The following CADM1 variants were observed in gnomAD, a reference collection of about 807,000 sequenced individuals.
The protein encoded by CADM1 is TSLC-1.
A neutral mutation model predicts 53.1 loss-of-function variants in CADM1; 15 were observed. The observed-to-expected ratio is 0.28, with a 90% CI of 0.19 to 0.44. The LOEUF is 0.44. Ranked by LOEUF, CADM1 falls within the 20% of genes least tolerant of loss-of-function variation. The pLI, the probability that CADM1 is intolerant of heterozygous loss-of-function variation, is 1.00. For synonymous variants in CADM1, 281 were observed against 243.0 expected, an observed-to-expected ratio of 1.16 and a Z score of -1.45; for missense variants, 434 against 611.3, an observed-to-expected ratio of 0.71 and a Z score of 3.06.
At chr11:115,194,936 C>A (rs1211648948) in intron 9 of CADM1, among the ~76,000 whole-genome samples, 1 of 152,174 alleles carries the variant, frequency 6.6e-6, no homozygotes, top group African/African-American at 2.4e-5. Flanking sequence ...CTACACCATC[C>A]GTGCGTTAAA....
At chr11:115,475,818 G>A (rs933275524) in intron 1 of CADM1, among the ~76,000 whole-genome samples, 2 of 152,152 alleles carry the variant, frequency 1.3e-5, no homozygotes, top group Non-Finnish European at 1.5e-5. Flanking sequence ...GAGGGGATCC[G>A]GGTGAGTGAG....
intron 1 of CADM1, among the ~76,000 whole-genome samples, chr11:115,446,231 CATT>C (rs1948448287): frequency 6.6e-6 from 1 of 152,260 alleles, no homozygotes; most frequent in African/African-American, 2.4e-5. Context: ...AGGGGTCAGG[CATT>C]GTTGTTCTTA....
At chr11:115,205,956 G>T (rs1940655436) in intron 8 of CADM1, among the ~76,000 whole-genome samples, 1 of 152,146 alleles carries the variant, frequency 6.6e-6, no homozygotes, top group African/African-American at 2.4e-5. Flanking sequence ...CCCAATCAAC[G>T]CACCCTAAGT....
intron 6 of CADM1, among the ~76,000 whole-genome samples, chr11:115,217,578 G>A (rs1371918695): frequency 2.6e-5 from 4 of 152,086 alleles, no homozygotes; most frequent in African/African-American, 9.7e-5. Context: ...TTAGATTGTA[G>A]GGACACCAAT....
At chr11:115,286,068 C>T (rs895779346) in intron 1 of CADM1, among the ~76,000 whole-genome samples, 12 of 152,106 alleles carry the variant, frequency 7.9e-5, no homozygotes, top group Admixed American at 2.6e-4. Context: ...TAACAAGAGA[C>T]ATAATCAGCT....
intron 1 of CADM1, among the ~76,000 whole-genome samples, chr11:115,457,020 T>C (rs1206876219): frequency 1.3e-5 from 2 of 152,264 alleles, no homozygotes; most frequent in South Asian, 2.1e-4. Flanking sequence ...GTTAACATAG[T>C]ACCTAAGTGC....
chr11:115,358,374 G>A lies in CADM1; in HGVS notation c.125-117954C>T, dbSNP rs557907366. On this transcript the variant is annotated intron_variant, in intron 1 of 11. Coordinates refer to ENST00000331581, the MANE Select transcript of CADM1 (RefSeq NM_001301043.2). ...GCTGAGGAGGCCTTACAATCATGGCGGAAGGTGAAAGGCATGTTTTACATG... is the reference window on the plus strand; with the variant it reads ...GCTGAGGAGGCCTTACAATCATGGCAGAAGGTGAAAGGCATGTTTTACATG... 4.1e-4 allele frequency among the ~76,000 whole-genome samples: 62 copies of A among 152,272 alleles called. 1 individual carries two copies. In the East Asian group the frequency reaches 4.8e-3, roughly 12 times the overall value.
intron 5 of CADM1, among the ~76,000 whole-genome samples, chr11:115,221,023 A>T (rs1212099258): frequency 6.6e-6 from 1 of 152,174 alleles, no homozygotes; most frequent in Non-Finnish European, 1.5e-5. Context: ...TCCAAGATTT[A>T]TTTTTAAGTA....
intron 1 of CADM1, among the ~76,000 whole-genome samples, chr11:115,272,362 CTTA>C (rs1419256808): frequency 6.6e-6 from 1 of 151,156 alleles, no homozygotes; most frequent in African/African-American, 2.4e-5. Flanking sequence ...TTTTTTTTTG[CTTA>C]TTATCTAATA....
intron 1 of CADM1, among the ~76,000 whole-genome samples, chr11:115,342,005 A>G (rs1477651907): frequency 6.6e-6 from 1 of 152,160 alleles, no homozygotes; most frequent in East Asian, 1.9e-4. Flanking sequence ...ATCTAATCCA[A>G]CGTCTTAGGC....
Position 115,232,369 on chromosome 11 carries a change from G to T in CADM1, c.425-879C>A, listed in dbSNP as rs550140460. Among the ~76,000 whole-genome samples, 83 of 152,268 alleles carry T rather than the reference G, an allele frequency of 5.5e-4. 1 individual carries two copies. Among genetic ancestry groups the T allele is most frequent in the South Asian group, 1.5e-3 (7 of 4,822 alleles). ...GATCCAGAATGTAATCATAACCTCT[G>T]ATGGATAATGTAGTAATAAAGTCCT... On this transcript the variant is annotated intron_variant, in intron 3 of 11. Transcript: ENST00000331581.
intron 1 of CADM1, among the ~76,000 whole-genome samples, chr11:115,421,242 G>A (rs191739457): frequency 2.8e-4 from 42 of 152,242 alleles, no homozygotes; most frequent in African/African-American, 9.4e-4. Flanking sequence ...AGAGTCAAAC[G>A]GCCTTGCTAA....
chr11:115,394,541 G>A (rs1249515020), intron 1 of CADM1, among the ~76,000 whole-genome samples: 1 of 152,092 alleles, frequency 6.6e-6, no homozygotes, highest in Non-Finnish European at 1.5e-5. Context: ...TGTTTTATGA[G>A]ATGAAGAAAT....
At chr11:115,234,267 A>G (rs2134876071) in intron 3 of CADM1, among the ~76,000 whole-genome samples, 1 of 152,246 alleles carries the variant, frequency 6.6e-6, no homozygotes, top group East Asian at 1.9e-4. Context: ...GTTCATAAAG[A>G]TGAGGGTGTG....
At chr11:115,208,994 G>A (rs1355032351) in intron 8 of CADM1, among the ~76,000 whole-genome samples, 1 of 152,196 alleles carries the variant, frequency 6.6e-6, no homozygotes, top group Non-Finnish European at 1.5e-5. Flanking sequence ...TGTGACCGAG[G>A]GCAGGGAGGG....
rs1251722179 is a variant in CADM1, at chr11:115,409,376, G to A, written c.124+94895C>T. 2.6e-5 allele frequency among the ~76,000 whole-genome samples: 4 copies of A among 152,066 alleles called. No homozygotes were observed. The East Asian group carries it at 5.8e-4, about 22-fold the overall frequency. On this transcript the variant is annotated intron_variant, in intron 1 of 11. Transcript: ENST00000331581. Reference sequence around the variant, plus strand: ...CAAAGGAGATTTCTTAAGAATTCCCGTTCTTCACTTTATCCCTTATTTTTC... The same window carrying A: ...CAAAGGAGATTTCTTAAGAATTCCCATTCTTCACTTTATCCCTTATTTTTC...
intron 1 of CADM1, among the ~76,000 whole-genome samples, chr11:115,440,194 T>C (rs1330455959): frequency 2.6e-5 from 4 of 152,248 alleles, no homozygotes; most frequent in African/African-American, 9.6e-5. Context: ...TTTTGTGCTC[T>C]AATTTTGGCT....
chr11:115,328,634 T>C (rs985130421), intron 1 of CADM1, among the ~76,000 whole-genome samples: 4 of 132,030 alleles, frequency 3.0e-5, no homozygotes, highest in Admixed American at 1.6e-4. Context: ...TTATATACTA[T>C]CTAAATATAA....
At chr11:115,426,751 C>A (rs1172346086) in intron 1 of CADM1, among the ~76,000 whole-genome samples, 1 of 152,022 alleles carries the variant, frequency 6.6e-6, no homozygotes, top group Admixed American at 6.6e-5. Flanking sequence ...GATGGTTTAG[C>A]TCATTTTGGT....
Sources: gnomAD v4.1 joint callset for allele counts (sites outside exome capture counted in the v4.1 genomes callset) on GRCh38, gnomAD v4.1.1 for gene constraint, MANE v1.5 for transcripts, NCBI Gene and HGNC (gene_info 2026-07-23, HGNC 2026-07-21) for gene names.